PRKG1: variants seen among roughly 807,000 people sequenced by gnomAD.
The protein encoded by PRKG1 is protein kinase cGMP-dependent 1.
In PRKG1, 35 loss-of-function variants were observed where a neutral mutation model predicts 88.1. That is an observed-to-expected ratio of 0.40 (90% confidence interval 0.30 to 0.53). The LOEUF is 0.53. Among genes scored for constraint, PRKG1 ranks in the 20% least tolerant of loss-of-function variants. PRKG1 has a pLI of 0.59. For synonymous variants in PRKG1, 303 were observed against 292.5 expected (o/e 1.04, Z -0.37); for missense variants, 540 against 839.8 (o/e 0.64, Z 4.41).
At chr10:51,267,166 A>G (rs1839857338) in intron 2 of PRKG1, among the ~76,000 whole-genome samples, 1 of 152,252 alleles carries the variant, frequency 6.6e-6, no homozygotes, top group South Asian at 2.1e-4. Context: ...TGAAAATTCT[A>G]TGTGTATTTC....
intron 2 of PRKG1, among the ~76,000 whole-genome samples, chr10:51,266,777 T>C (rs1338523925): frequency 6.6e-6 from 1 of 152,230 alleles, no homozygotes; most frequent in Admixed American, 6.5e-5. Flanking sequence ...GATTGTGTCA[T>C]TGACATCTTA....
chr10:50,995,842 C>T (rs1210706997), intron 1 of PRKG1, among the ~76,000 whole-genome samples: 1 of 152,144 alleles, frequency 6.6e-6, no homozygotes, highest in African/African-American at 2.4e-5. Flanking sequence ...TCATGAATCG[C>T]TTGATTCTTG....
chr10:51,556,814 C>T (rs1339754273), intron 3 of PRKG1, among the ~76,000 whole-genome samples: 1 of 151,980 alleles, frequency 6.6e-6, no homozygotes, highest in Non-Finnish European at 1.5e-5. Flanking sequence ...GTAAGCCAAA[C>T]CTCAGTGTCA....
rs1841368936 is a variant in PRKG1, at chr10:52,258,933, G to C, written c.1173+7267G>C. On this transcript the variant is annotated intron_variant, in intron 10 of 17. Coordinates refer to ENST00000373980, the MANE Select transcript of PRKG1 (RefSeq NM_006258.4). ...AGGTTGGGATTTAAATGAACAGATG[G>C]GGAAAGGCCATTCTGAGAAAAGGCC... 2.0e-5 allele frequency among the ~76,000 whole-genome samples: 3 copies of C among 151,918 alleles called. No individual in the cohort carries two copies. In the South Asian group the frequency reaches 6.2e-4, roughly 32 times the overall value.
At chr10:51,004,963 C>G (rs2132718510) in intron 1 of PRKG1, among the ~76,000 whole-genome samples, 1 of 151,668 alleles carries the variant, frequency 6.6e-6, no homozygotes, top group Admixed American at 6.6e-5. Flanking sequence ...TTTCAAAAGG[C>G]TAGTAGGGAG....
At chr10:51,748,853 T>C (rs1837645806) in intron 3 of PRKG1, among the ~76,000 whole-genome samples, 1 of 152,266 alleles carries the variant, frequency 6.6e-6, no homozygotes, top group Non-Finnish European at 1.5e-5. Flanking sequence ...AATCATATGC[T>C]ACTATAATTT....
At position 51,976,823 on chromosome 10, in the gene PRKG1, C is replaced by T. The variant is rs147016878; in HGVS notation, c.762+69253C>T. 5.6e-3 allele frequency among the ~76,000 whole-genome samples: 846 copies of T among 151,950 alleles called. 7 individuals carry two copies. Among genetic ancestry groups the T allele is most frequent in the African/African-American group, 0.017 (711 of 41,526 alleles). ...TTGATAGACAACTCATTAGGAAAAACGAGAATTATATTTTTAATTAAGTTA... is the reference window on the plus strand; with the variant it reads ...TTGATAGACAACTCATTAGGAAAAATGAGAATTATATTTTTAATTAAGTTA... On this transcript the variant is annotated intron_variant, in intron 5 of 17. Coordinates refer to ENST00000373980, the MANE Select transcript of PRKG1 (RefSeq NM_006258.4).
At chr10:51,415,415 T>C (rs974053683) in intron 2 of PRKG1, among the ~76,000 whole-genome samples, 8 of 152,180 alleles carry the variant, frequency 5.3e-5, no homozygotes, top group African/African-American at 1.9e-4. Context: ...ATCTTTGCTG[T>C]TTCTGATGCT....
intron 1 of PRKG1, among the ~76,000 whole-genome samples, chr10:51,057,084 A>T (rs1018739409): frequency 6.6e-6 from 1 of 152,258 alleles, no homozygotes; most frequent in Admixed American, 6.5e-5. Flanking sequence ...TATCTAAGAT[A>T]TAGTAAATCA....
intron 2 of PRKG1, among the ~76,000 whole-genome samples, chr10:51,348,593 A>AT (rs540807372): frequency 6.6e-6 from 1 of 152,120 alleles, no homozygotes; most frequent in Non-Finnish European, 1.5e-5. Context: ...TTAAAAGACT[A>AT]TTTTTTACCA....
intron 2 of PRKG1, among the ~76,000 whole-genome samples, chr10:51,433,228 A>C (rs79564093): frequency 0.03 from 4,559 of 152,168 alleles, 164 homozygotes; most frequent in African/African-American, 0.077. Flanking sequence ...ATAAATGGGA[A>C]TGTGTTGCTT....
rs140709147 is a variant in PRKG1 at position 51,848,691 on chromosome 10, G to C, written c.698+44001G>C. On this transcript the variant is annotated intron_variant, in intron 4 of 17. Coordinates refer to ENST00000373980, the MANE Select transcript of PRKG1 (RefSeq NM_006258.4). ...TGTTTTATATTTTTATAATTTAGTA[G>C]AAATAAGATCTCACGATATTGCCCA... Among the ~76,000 whole-genome samples the C allele has an allele frequency of 1.2e-4, 18 of 150,850 alleles. 2 individuals are homozygous for C. Among genetic ancestry groups the C allele is most frequent in the African/African-American group, 4.1e-4 (17 of 41,188 alleles).
intron 1 of PRKG1, among the ~76,000 whole-genome samples, chr10:51,132,829 TA>T (rs1845603219): frequency 6.6e-6 from 1 of 151,542 alleles, no homozygotes; most frequent in African/African-American, 2.4e-5. Flanking sequence ...AACTGATAAA[TA>T]AGTGAAGTAA....
intron 3 of PRKG1, among the ~76,000 whole-genome samples, chr10:51,678,654 A>G (rs1840770626): frequency 6.6e-6 from 1 of 152,236 alleles, no homozygotes; most frequent in African/African-American, 2.4e-5. Flanking sequence ...GGCATAACTT[A>G]AGAAAATGGG....
Position 51,422,217 on chromosome 10 carries a change from A to T in PRKG1, c.479-45506A>T, listed in dbSNP as rs565189454. Among the ~76,000 whole-genome samples, 9 of 152,328 alleles carry T rather than the reference A, an allele frequency of 5.9e-5. No homozygotes were observed. The South Asian group carries it at 1.7e-3, about 28-fold the overall frequency. On this transcript the variant is annotated intron_variant, in intron 2 of 17. Coordinates refer to ENST00000373980, the MANE Select transcript of PRKG1 (RefSeq NM_006258.4). ...GAGTTGTGCTTGATGTTCAGGCATG[A>T]TTATTAACCACAATAGTTTCACTCC...
intron 2 of PRKG1, among the ~76,000 whole-genome samples, chr10:51,374,112 A>ATG (rs1554801064): frequency 7.0e-6 from 1 of 143,804 alleles, no homozygotes; most frequent in African/African-American, 2.5e-5. Context: ...ATATATATAT[A>ATG]TGTACTTTAA....
At chr10:52,117,920 A>G (rs1322252987) in intron 7 of PRKG1, among the ~76,000 whole-genome samples, 5 of 151,810 alleles carry the variant, frequency 3.3e-5, no homozygotes, top group Non-Finnish European at 5.9e-5. Context: ...GTTATTTTCA[A>G]TGGTTTTAAA....
chr10:51,267,418 A>G (rs1446232153), intron 2 of PRKG1, among the ~76,000 whole-genome samples: 1 of 152,244 alleles, frequency 6.6e-6, no homozygotes, highest in African/African-American at 2.4e-5. Context: ...TAAAAATATT[A>G]GGTGTCTTTC....
intron 1 of PRKG1, among the ~76,000 whole-genome samples, chr10:51,003,391 G>A (rs1842909513): frequency 6.6e-6 from 1 of 152,180 alleles, no homozygotes; most frequent in African/African-American, 2.4e-5. Flanking sequence ...TGACTCCAGG[G>A]CATCACGAGA....
Sources: gnomAD v4.1 joint callset for allele counts (sites outside exome capture counted in the v4.1 genomes callset) on GRCh38, gnomAD v4.1.1 for gene constraint, MANE v1.5 for transcripts, NCBI Gene and HGNC (gene_info 2026-07-23, HGNC 2026-07-21) for gene names.